WWOX: variants seen among roughly 807,000 people sequenced by gnomAD.
WWOX encodes WW domain-containing oxidoreductase.
In WWOX, 69 loss-of-function variants were observed where a neutral mutation model predicts 46.2. That is an observed-to-expected ratio of 1.49 (90% CI 1.23 to 1.82). The LOEUF is 1.82. WWOX is among the 40% of genes most tolerant of loss of function. The pLI, the probability that WWOX is intolerant of heterozygous loss-of-function variation, is 0.00. For missense variants in WWOX, 919 were observed against 542.6 expected, an observed-to-expected ratio of 1.69 and a Z score of -6.89; for synonymous variants, 359 against 202.6, an observed-to-expected ratio of 1.77 and a Z score of -6.56.
At chr16:78,305,264 C>T (rs1238902121) in intron 5 of WWOX, among the ~76,000 whole-genome samples, 3 of 152,080 alleles carry the variant, frequency 2.0e-5, no homozygotes, top group African/African-American at 4.8e-5. Flanking sequence ...GACCGGGGCC[C>T]TCCAGCTGCT....
chr16:78,760,977 A>G (rs951421486), intron 8 of WWOX, among the ~76,000 whole-genome samples: 2 of 152,134 alleles, frequency 1.3e-5, no homozygotes, highest in African/African-American at 2.4e-5. Context: ...AGATCTCATG[A>G]GACTTATTCA....
At chr16:78,825,701 C>T in intron 8 of WWOX, 3 of 548,400 alleles carry the variant, frequency 5.5e-6, no homozygotes, top group South Asian at 1.7e-5. Context: ...CTGGGAGACT[C>T]TGAGGACAGA....
rs1010304977 is a variant in WWOX, at chr16:78,099,708, C to A, written c.-71C>A. ...CGACGCGCGCGGGTCTCGTTTGGAG[C>A]GGGAGTGAGTTCCTGAGCGAGTGGA... On this transcript the variant is annotated 5_prime_UTR_variant, in exon 1 of 9. Transcript: ENST00000566780. 1.4e-6 allele frequency: 2 copies of A among 1,478,658 alleles called. No individual in the cohort carries two copies. The highest frequency in any genetic ancestry group is 9.0e-7 in the Non-Finnish European group (1 of 1,114,208). The allele number at this position is 1,478,658 out of a possible 1,614,324, so 91.6% of individuals were successfully genotyped here.
intron 8 of WWOX, among the ~76,000 whole-genome samples, chr16:78,680,962 A>G (rs568903635): frequency 2.6e-5 from 4 of 152,200 alleles, no homozygotes; most frequent in African/African-American, 9.6e-5. Flanking sequence ...AACTAAAAAA[A>G]TTTAGGCCAT....
intron 5 of WWOX, among the ~76,000 whole-genome samples, chr16:78,339,978 C>T (rs1376211574): frequency 2.9e-5 from 2 of 68,000 alleles, no homozygotes; most frequent in Non-Finnish European, 6.0e-5. Flanking sequence ...CTTTGTGTTA[C>T]TTTCAGGGAT....
At chr16:78,140,787 A>C (rs1463890644) in intron 4 of WWOX, among the ~76,000 whole-genome samples, 1 of 152,234 alleles carries the variant, frequency 6.6e-6, no homozygotes, top group South Asian at 2.1e-4. Context: ...ATTCTGAGGT[A>C]CTGGGCTTAG....
chr16:78,587,508 A>G (rs868344009), intron 8 of WWOX, among the ~76,000 whole-genome samples: 6 of 152,120 alleles, frequency 3.9e-5, no homozygotes, highest in African/African-American at 1.4e-4. Context: ...TAAGTGTCTT[A>G]TTGATTATCC....
intron 8 of WWOX, among the ~76,000 whole-genome samples, chr16:78,916,134 C>T (rs2045245997): frequency 1.3e-5 from 2 of 152,146 alleles, no homozygotes; most frequent in Admixed American, 1.3e-4. Flanking sequence ...GATAACCGTC[C>T]CATCTTGATA....
At chr16:78,434,391 T>C (rs898710945) in intron 8 of WWOX, among the ~76,000 whole-genome samples, 4 of 152,190 alleles carry the variant, frequency 2.6e-5, no homozygotes, top group African/African-American at 7.2e-5. Flanking sequence ...GCGCAGCCTC[T>C]TCATGAAAGT....
chr16:78,679,991 C>T (rs556536119), intron 8 of WWOX, among the ~76,000 whole-genome samples: 1 of 152,260 alleles, frequency 6.6e-6, no homozygotes, highest in Non-Finnish European at 1.5e-5. Flanking sequence ...AGCCCTACCA[C>T]TAACTGACTC....
At chr16:79,149,571 C>T (rs767850745) in intron 8 of WWOX, among the ~76,000 whole-genome samples, 6 of 152,204 alleles carry the variant, frequency 3.9e-5, no homozygotes, top group African/African-American at 1.2e-4. Flanking sequence ...TTCCTAGGGA[C>T]GGTCTCAAAT....
In WWOX at chr16:78,370,799, G is replaced by T. The variant is rs1464570799; in HGVS notation, c.517-16061G>T. On this transcript the variant is annotated intron_variant, in intron 5 of 8. Coordinates refer to ENST00000566780, the MANE Select transcript of WWOX (RefSeq NM_016373.4). The stretch of plus-strand genomic sequence containing the variant: ...TTTTCTTTTTTTTTTGGGGGGGGGG[G>T]GGCAATGCATTCTTAACCCCCTTCC... 8.8e-5 allele frequency among the ~76,000 whole-genome samples: 12 copies of T among 136,716 alleles called. 1 individual carries two copies. Among genetic ancestry groups the T allele is most frequent in the African/African-American group, 2.6e-4 (9 of 34,846 alleles). 89.7% of individuals were successfully genotyped at this position (136,716 alleles called of 152,430 possible). A position where few individuals can be genotyped will look rare whatever the true frequency, so the allele number is the denominator to read the frequency against.
chr16:78,605,348 C>G (rs760652922), intron 8 of WWOX, among the ~76,000 whole-genome samples: 1 of 151,320 alleles, frequency 6.6e-6, no homozygotes, highest in Non-Finnish European at 1.5e-5. Context: ...AGTGATTTGA[C>G]TTCTTAAGTC....
chr16:78,795,244 T>A (rs1454251163), intron 8 of WWOX, among the ~76,000 whole-genome samples: 1 of 152,192 alleles, frequency 6.6e-6, no homozygotes, highest in Non-Finnish European at 1.5e-5. Flanking sequence ...ATTCTCTTTC[T>A]ACATGTAAGG....
chr16:78,212,103 G>T (rs115854630), intron 5 of WWOX, among the ~76,000 whole-genome samples: 8 of 152,162 alleles, frequency 5.3e-5, no homozygotes, highest in Non-Finnish European at 1.0e-4. Flanking sequence ...ATGCAGGGCC[G>T]GGAACTGCCC....
At chr16:79,080,313 A>C (rs1473631468) in intron 8 of WWOX, among the ~76,000 whole-genome samples, 2 of 151,690 alleles carry the variant, frequency 1.3e-5, no homozygotes, top group African/African-American at 4.8e-5. Flanking sequence ...ATCTGGTTCA[A>C]TTATTCTCTT....
At chr16:78,924,808 C>A (rs545072173) in intron 8 of WWOX, among the ~76,000 whole-genome samples, 2 of 152,132 alleles carry the variant, frequency 1.3e-5, no homozygotes, top group African/African-American at 4.8e-5. Flanking sequence ...TTTTAGACTA[C>A]TAGTGATTGT....
chr16:78,140,475 G>A (rs1199519891), intron 4 of WWOX, among the ~76,000 whole-genome samples: 2 of 152,124 alleles, frequency 1.3e-5, no homozygotes, highest in Non-Finnish European at 2.9e-5. Context: ...TGAAATCAAG[G>A]TGTTGGTAGG....
intron 8 of WWOX, among the ~76,000 whole-genome samples, chr16:78,945,692 C>T (rs1031549726): frequency 4.6e-5 from 7 of 151,882 alleles, no homozygotes; most frequent in South Asian, 2.1e-4. Context: ...TCCTTGTATG[C>T]CCCCCTTTCT....
Sources: allele counts gnomAD v4.1 joint callset (sites outside exome capture counted in the v4.1 genomes callset), GRCh38; gene constraint gnomAD v4.1.1; transcripts MANE v1.5; gene names NCBI Gene and HGNC (gene_info 2026-07-23, HGNC 2026-07-21).